Variants in VEGFC observed in about 807,000 individuals in gnomAD.
The protein encoded by VEGFC is FLT4 ligand DHM.
Under a neutral mutation model 46.1 loss-of-function variants are expected in VEGFC, and 12 were observed. The observed-to-expected ratio is 0.26, with a 90% confidence interval of 0.17 to 0.42. The LOEUF is 0.42. Ranked by LOEUF, VEGFC falls within the 10% of genes least tolerant of loss-of-function variation. The probability of loss-of-function intolerance (pLI) is 1.00; values close to 1 mark genes in which losing one functional copy is unlikely to be tolerated. For synonymous variants in VEGFC, 232 were observed against 195.5 expected, an observed-to-expected ratio of 1.19 and a Z score of -1.56; for missense variants, 488 against 529.4, an observed-to-expected ratio of 0.92 and a Z score of 0.77.
Position 176,683,616 on chromosome 4 carries a change from G to T in VEGFC, c.*310C>A. The T allele has an allele frequency of 5.0e-6, 1 of 201,342 alleles. No individual in the cohort carries two copies. Among genetic ancestry groups the T allele is most frequent in the Non-Finnish European group, 1.0e-5 (1 of 100,000 alleles). 12.5% of individuals were successfully genotyped at this position (201,342 alleles called of 1,614,324 possible). ...TTGATCACAGTGAGTTTTACCAATT[G>T]TTGTTGCTATAAAAATGAATGCAGA... On this transcript the variant is annotated 3_prime_UTR_variant, in exon 7 of 7. Coordinates refer to ENST00000618562, the MANE Select transcript of VEGFC (RefSeq NM_005429.5).
At chr4:176,737,454 G>T (rs1007027016) in intron 1 of VEGFC, among the ~76,000 whole-genome samples, 1 of 149,444 alleles carries the variant, frequency 6.7e-6, no homozygotes, top group Non-Finnish European at 1.5e-5. Context: ...AAATATAGAC[G>T]AATCCAGAAT....
intron 4 of VEGFC, chr4:176,689,382 A>T (rs1236966885): frequency 1.3e-5 from 2 of 152,220 alleles, no homozygotes; most frequent in Non-Finnish European, 2.9e-5. Flanking sequence ...ACAGAAAAAC[A>T]AGCAAATCTG....
At chr4:176,734,136 G>C (rs780838951) in intron 1 of VEGFC, among the ~76,000 whole-genome samples, 1 of 151,724 alleles carries the variant, frequency 6.6e-6, no homozygotes, top group Admixed American at 6.6e-5. Flanking sequence ...CTTTGAATAA[G>C]TTACTAAAAT....
At chr4:176,739,638 T>C (rs767279131) in intron 1 of VEGFC, among the ~76,000 whole-genome samples, 51 of 151,910 alleles carry the variant, frequency 3.4e-4, no homozygotes, top group Non-Finnish European at 7.1e-4. Context: ...GAATAGTTAA[T>C]GGATGCTGGG....
chr4:176,755,572 G>A (rs1735418908), intron 1 of VEGFC, among the ~76,000 whole-genome samples: 1 of 151,958 alleles, frequency 6.6e-6, no homozygotes, highest in Admixed American at 6.6e-5. Context: ...TTGCCTCCCA[G>A]ATAGACTCCT....
At chr4:176,703,410 GA>G (rs777075833) in intron 4 of VEGFC, among the ~76,000 whole-genome samples, 1 of 152,006 alleles carries the variant, frequency 6.6e-6, no homozygotes, top group Non-Finnish European at 1.5e-5. Context: ...ACTCATTTAT[GA>G]GAGCCAAAAA....
Position 176,792,354 on chromosome 4 carries a change from C to A in VEGFC, c.-43G>T. On this transcript the variant is annotated 5_prime_UTR_variant, in exon 1 of 7. Transcript: ENST00000618562. The surrounding 1 kb of genome is among the most constrained non-coding windows in gnomAD (Gnocchi z 6.3). ...TGGGGGACCGGTCCGCTGGCGGGGG[C>A]AGGGGTGGGGGCGCGGGCGCCCCTG... 7.2e-7 allele frequency: 1 copy of A among 1,392,692 alleles called. No homozygotes were observed. The highest frequency in any genetic ancestry group is 3.3e-5 in the Admixed American group (1 of 29,852). 86.3% of individuals were successfully genotyped at this position (1,392,692 alleles called of 1,614,324 possible). A position where few individuals can be genotyped will look rare whatever the true frequency, so the allele number is the denominator to read the frequency against.
At chr4:176,709,844 T>C (rs1176755501) in intron 4 of VEGFC, among the ~76,000 whole-genome samples, 1 of 152,184 alleles carries the variant, frequency 6.6e-6, no homozygotes, top group East Asian at 1.9e-4. Context: ...GACTTGATGC[T>C]TGAAAACTAG....
At chr4:176,788,450 G>A (rs918708191) in intron 1 of VEGFC, among the ~76,000 whole-genome samples, 1 of 152,210 alleles carries the variant, frequency 6.6e-6, no homozygotes, top group African/African-American at 2.4e-5. Context: ...GCTGAAAGGA[G>A]TCTGAATCAC....
intron 1 of VEGFC, among the ~76,000 whole-genome samples, chr4:176,784,562 A>G (rs1209736958): frequency 6.6e-6 from 1 of 151,662 alleles, no homozygotes. Flanking sequence ...TCTGGCTAAC[A>G]TGGTCAAACC....
chr4:176,758,240 T>C (rs1304922150), intron 1 of VEGFC, among the ~76,000 whole-genome samples: 1 of 152,102 alleles, frequency 6.6e-6, no homozygotes, highest in Admixed American at 6.6e-5. Flanking sequence ...TTCTATCATA[T>C]ATGTGAGGAC....
chr4:176,710,009 G>C (rs1425388200), intron 4 of VEGFC, among the ~76,000 whole-genome samples: 1 of 151,156 alleles, frequency 6.6e-6, no homozygotes, highest in African/African-American at 2.5e-5. Context: ...AGAAGAAGAA[G>C]TAATGACAAC....
intron 1 of VEGFC, among the ~76,000 whole-genome samples, chr4:176,752,650 T>C (rs1235645923): frequency 6.6e-6 from 1 of 152,120 alleles, no homozygotes; most frequent in Non-Finnish European, 1.5e-5. Context: ...AATGTGCACA[T>C]GTACATGATA....
At chr4:176,685,096 G>A (rs1734015648) in intron 6 of VEGFC, among the ~76,000 whole-genome samples, 1 of 152,140 alleles carries the variant, frequency 6.6e-6, no homozygotes, top group Non-Finnish European at 1.5e-5. Flanking sequence ...TAGGTGTAAA[G>A]GGAAAAGTGC....
intron 4 of VEGFC, among the ~76,000 whole-genome samples, chr4:176,691,268 C>T (rs1373323920): frequency 6.6e-6 from 1 of 152,122 alleles, no homozygotes; most frequent in Non-Finnish European, 1.5e-5. Flanking sequence ...AATTTCTCTT[C>T]TAGTTCTGAA....
chr4:176,725,196 C>T (rs760653577), intron 3 of VEGFC, among the ~76,000 whole-genome samples: 25 of 152,136 alleles, frequency 1.6e-4, no homozygotes, highest in African/African-American at 3.1e-4. Context: ...ATATGTACAG[C>T]TATGATATGT....
intron 1 of VEGFC, among the ~76,000 whole-genome samples, chr4:176,749,757 T>A (rs757817788): frequency 6.6e-6 from 1 of 151,876 alleles, no homozygotes; most frequent in Non-Finnish European, 1.5e-5. Flanking sequence ...TGAGATAGTA[T>A]GTCACTCCCT....
rs1331341380 is a variant in VEGFC at position 176,792,142 on chromosome 4, C to G, written c.147+23G>C. ...CCCTAACGCAAACTCTCGGGTTCTC[C>G]GCAAACCCTAACGCAGACCTACCGT... On this transcript the variant is annotated intron_variant, in intron 1 of 6. Transcript: ENST00000618562. The surrounding 1 kb of genome is among the most constrained non-coding windows in gnomAD (Gnocchi z 6.3). 1 of 1,453,920 alleles carries G rather than the reference C, an allele frequency of 6.9e-7. No homozygotes were observed. Among genetic ancestry groups the G allele is most frequent in the East Asian group, 2.7e-5 (1 of 36,914 alleles). 90.1% of individuals were successfully genotyped at this position (1,453,920 alleles called of 1,614,324 possible).
chr4:176,777,157 A>C (rs1006342737), intron 1 of VEGFC, among the ~76,000 whole-genome samples: 6 of 152,078 alleles, frequency 3.9e-5, no homozygotes, highest in Non-Finnish European at 8.8e-5. Context: ...ACTAAAAAAA[A>C]ATACAAAAAA....
Sources: gnomAD v4.1 joint callset for allele counts (sites outside exome capture counted in the v4.1 genomes callset) on GRCh38, gnomAD v4.1.1 for gene constraint, Gnocchi (gnomAD v3.1) non-coding constraint, MANE v1.5 for transcripts, NCBI Gene and HGNC (gene_info 2026-07-23, HGNC 2026-07-21) for gene names.